The following SLC39A11 variants were observed in gnomAD, a reference collection of about 807,000 sequenced individuals.
SLC39A11 encodes the protein solute carrier family 39 member 11.
Under a neutral mutation model 36.1 loss-of-function variants are expected in SLC39A11, and 33 were observed. That is an observed-to-expected ratio of 0.91 (90% CI 0.69 to 1.22). The LOEUF is 1.22. Among genes scored for constraint, SLC39A11 ranks in the 50% most tolerant of loss-of-function variants. The probability of loss-of-function intolerance (pLI) is 0.00; values close to 1 mark genes in which losing one functional copy is unlikely to be tolerated. For synonymous variants in SLC39A11, 166 were observed against 170.3 expected, an observed-to-expected ratio of 0.97 and a Z score of 0.20; for missense variants, 432 against 430.3, an observed-to-expected ratio of 1.00 and a Z score of -0.03.
rs1460895680 is a variant in SLC39A11, at chr17:73,000,191, GCAGCAAAAT to G, written c.306+31356_306+31364del. On this transcript the variant is annotated intron_variant, in intron 4 of 9. Coordinates refer to ENST00000255559, the MANE Select transcript of SLC39A11 (RefSeq NM_139177.4). ...CGGGATAGTCAGACTATCTCAGAAG[GCAGCAAAAT>G]CAGCTGAGGGATCCATTTCTCCCCT... Among the ~76,000 whole-genome samples, 11 of 152,202 alleles carry G rather than the reference GCAGCAAAAT, an allele frequency of 7.2e-5. No individual in the cohort carries two copies. The South Asian group carries it at 2.1e-3, about 29-fold the overall frequency.
At chr17:72,902,330 C>T (rs1027108261) in intron 5 of SLC39A11, among the ~76,000 whole-genome samples, 6 of 150,172 alleles carry the variant, frequency 4.0e-5, no homozygotes, top group Admixed American at 6.6e-5. Flanking sequence ...AGAGGCCAGG[C>T]GACATCAAAA....
chr17:73,034,646 C>T (rs1449181193), intron 3 of SLC39A11, among the ~76,000 whole-genome samples: 2 of 152,170 alleles, frequency 1.3e-5, no homozygotes, highest in African/African-American at 4.8e-5. Flanking sequence ...CTAAATCCTC[C>T]CCACCCTGCA....
intron 7 of SLC39A11, among the ~76,000 whole-genome samples, chr17:72,686,383 C>T (rs1390466508): frequency 6.6e-6 from 1 of 152,206 alleles, no homozygotes; most frequent in Non-Finnish European, 1.5e-5. Context: ...TGACTGGGGT[C>T]TGCCTGCACT....
chr17:72,831,109 C>T (rs2078266957), intron 6 of SLC39A11, among the ~76,000 whole-genome samples: 1 of 151,454 alleles, frequency 6.6e-6, no homozygotes, highest in Admixed American at 6.6e-5. Flanking sequence ...ACTGTTTGCA[C>T]CTGCAAACAG....
intron 5 of SLC39A11, among the ~76,000 whole-genome samples, chr17:72,917,956 T>C (rs551144598): frequency 4.6e-4 from 70 of 152,328 alleles, no homozygotes; most frequent in African/African-American, 1.6e-3. Context: ...ATGAAACTAA[T>C]GGGATCCAAA....
chr17:72,877,396 A>C (rs963001107), intron 5 of SLC39A11, among the ~76,000 whole-genome samples: 2 of 151,630 alleles, frequency 1.3e-5, no homozygotes, highest in African/African-American at 2.4e-5. Context: ...CATTTTCCTG[A>C]CTCCTTTGAA....
chr17:72,670,190 CACACACACACACACACACACACAT>C (rs1485164553), intron 7 of SLC39A11, among the ~76,000 whole-genome samples: 187 of 138,000 alleles, frequency 1.4e-3, no homozygotes, highest in African/African-American at 4.7e-3. Flanking sequence ...CACACACACA[CACACACACACACACACACACACAT>C]ATATATATAT....
intron 6 of SLC39A11, among the ~76,000 whole-genome samples, chr17:72,799,401 C>G (rs2077008945): frequency 1.3e-5 from 2 of 152,050 alleles, no homozygotes; most frequent in South Asian, 4.1e-4. Flanking sequence ...TTTTAGGGAA[C>G]AAGGGAAGAC....
At chr17:73,029,933 T>C (rs2058685537) in intron 4 of SLC39A11, among the ~76,000 whole-genome samples, 1 of 152,076 alleles carries the variant, frequency 6.6e-6, no homozygotes, top group South Asian at 2.1e-4. Context: ...TTTAAGACAG[T>C]GGTCCCCAAC....
intron 7 of SLC39A11, among the ~76,000 whole-genome samples, chr17:72,650,662 T>C (rs1199760634): frequency 6.6e-6 from 1 of 152,200 alleles, no homozygotes; most frequent in African/African-American, 2.4e-5. Flanking sequence ...CGGCAAGCAA[T>C]GCTGGTGTGT....
At chr17:72,949,198 C>T (rs934260165) in intron 4 of SLC39A11, among the ~76,000 whole-genome samples, 7 of 91,860 alleles carry the variant, frequency 7.6e-5, no homozygotes, top group Non-Finnish European at 1.5e-4. Flanking sequence ...TTCACTCTGT[C>T]ACCTAGGCTG....
At chr17:72,805,942 G>A (rs1359716695) in intron 6 of SLC39A11, among the ~76,000 whole-genome samples, 1 of 151,932 alleles carries the variant, frequency 6.6e-6, no homozygotes, top group African/African-American at 2.4e-5. Flanking sequence ...AGTAGAGACA[G>A]GATTTTGCCA....
chr17:72,940,601 T>A (rs957945095), intron 5 of SLC39A11, among the ~76,000 whole-genome samples: 1 of 152,226 alleles, frequency 6.6e-6, no homozygotes. Context: ...GCTGCACTCT[T>A]TGAGTAACTT....
chr17:72,966,372 C>T lies in SLC39A11; in HGVS notation c.307-18497G>A, dbSNP rs559161852. On this transcript the variant is annotated intron_variant, in intron 4 of 9. Transcript: ENST00000255559. ...AAGATTATCTGTTGAGAATTACTAC[C>T]GCCCCCCACAGAGGGAGGCTTAGCA... 5.3e-5 allele frequency among the ~76,000 whole-genome samples: 8 copies of T among 152,254 alleles called. No individual in the cohort carries two copies. The East Asian group carries it at 9.7e-4, about 18-fold the overall frequency.
intron 7 of SLC39A11, chr17:72,663,983 C>T (rs1044690637): frequency 1.9e-5 from 3 of 154,706 alleles, no homozygotes; most frequent in Non-Finnish European, 2.9e-5. Context: ...AAGACCGGTC[C>T]TCCTCTATTG....
intron 3 of SLC39A11, among the ~76,000 whole-genome samples, chr17:73,058,777 G>A (rs1161637116): frequency 6.6e-6 from 1 of 152,188 alleles, no homozygotes; most frequent in African/African-American, 2.4e-5. Context: ...AGTTCCTTTT[G>A]TAGGATCTGT....
intron 3 of SLC39A11, among the ~76,000 whole-genome samples, chr17:73,079,978 A>T (rs1389988666): frequency 1.3e-5 from 2 of 152,212 alleles, no homozygotes. Flanking sequence ...GCTGAAAAGA[A>T]GTCATAAATG....
chr17:72,825,963 G>A (rs1242936427), intron 6 of SLC39A11, among the ~76,000 whole-genome samples: 1 of 152,220 alleles, frequency 6.6e-6, no homozygotes, highest in African/African-American at 2.4e-5. Flanking sequence ...TTGAGTTAAA[G>A]CTGGAATGAG....
At chr17:72,710,485 CAA>C (rs2073069096) in intron 7 of SLC39A11, among the ~76,000 whole-genome samples, 1 of 152,160 alleles carries the variant, frequency 6.6e-6, no homozygotes, top group Admixed American at 6.5e-5. Flanking sequence ...AGGGAACACC[CAA>C]GTCTTTTTTG....
Sources: gnomAD v4.1 joint callset for allele counts (sites outside exome capture counted in the v4.1 genomes callset) on GRCh38, gnomAD v4.1.1 for gene constraint, MANE v1.5 for transcripts, NCBI Gene and HGNC (gene_info 2026-07-23, HGNC 2026-07-21) for gene names.